Variants in CELF5 observed in about 807,000 individuals in gnomAD.
CELF5 encodes the protein CUG-BP and ETR-3 like factor 5.
A neutral mutation model predicts 54.9 loss-of-function variants in CELF5; 6 were observed. That is an observed-to-expected ratio of 0.11 (90% CI 0.06 to 0.22). CELF5 has a LOEUF of 0.22. CELF5 is among the 10% of genes least tolerant of loss of function. The probability of loss-of-function intolerance (pLI) is 1.00; values close to 1 mark genes in which losing one functional copy is unlikely to be tolerated. For missense variants in CELF5, 401 were observed against 678.6 expected (o/e 0.59, Z 4.54); for synonymous variants, 271 against 290.9 (o/e 0.93, Z 0.70).
At chr19:3,237,364 TAGAGC>T (rs1289814068) in intron 1 of CELF5, among the ~76,000 whole-genome samples, 1 of 142,432 alleles carries the variant, frequency 7.0e-6, no homozygotes, top group African/African-American at 2.6e-5. Context: ...AGCTACTGCA[TAGAGC>T]AGCCGCCTGG....
intron 1 of CELF5, chr19:3,225,465 C>CA: frequency 2.7e-6 from 1 of 365,446 alleles, no homozygotes; most frequent in Non-Finnish European, 3.7e-6. Flanking sequence ...GCACCCCTCC[C>CA]TGCCCCCCCA....
intron 2 of CELF5, among the ~76,000 whole-genome samples, chr19:3,259,712 CA>C (rs2079781722): frequency 6.6e-6 from 1 of 151,988 alleles, no homozygotes; most frequent in African/African-American, 2.4e-5. Flanking sequence ...GGGTCTCAAT[CA>C]GGGGTGATCC....
intron 2 of CELF5, among the ~76,000 whole-genome samples, chr19:3,260,528 C>T (rs1482096377): frequency 6.6e-6 from 1 of 152,000 alleles, no homozygotes; most frequent in Non-Finnish European, 1.5e-5. Context: ...GATCATGGCT[C>T]ACTGCAACCT....
At chr19:3,242,826 T>G (rs559320965) in intron 1 of CELF5, among the ~76,000 whole-genome samples, 1 of 151,988 alleles carries the variant, frequency 6.6e-6, no homozygotes, top group South Asian at 2.1e-4. Context: ...TAGCTGGGCT[T>G]GGTGGCAGGT....
chr19:3,236,436 G>A (rs1422202725), intron 1 of CELF5, among the ~76,000 whole-genome samples: 1 of 152,160 alleles, frequency 6.6e-6, no homozygotes, highest in Non-Finnish European at 1.5e-5. Context: ...AAGGTACTGA[G>A]CTGGCTTTGA....
At position 3,228,324 on chromosome 19, in the gene CELF5, A is replaced by C. The variant is rs920708593; in HGVS notation, c.259+3326A>C. Among the ~76,000 whole-genome samples the C allele has an allele frequency of 6.6e-6, 1 of 152,138 alleles. No homozygotes were observed. The highest frequency in any genetic ancestry group is 1.5e-5 in the Non-Finnish European group (1 of 68,012). On this transcript the variant is annotated intron_variant, in intron 1 of 12. Coordinates refer to ENST00000292672, the MANE Select transcript of CELF5 (RefSeq NM_021938.4). The surrounding 1 kb of genome is among the most constrained non-coding windows in gnomAD (Gnocchi z 6.0). ...CTCCCCCAGGAAGGACCCCCACCCC[A>C]GGCCAGGGGCTCAGGCCAAGAACTG...
chr19:3,225,456 C>G (rs1916847014), intron 1 of CELF5: 1 of 526,896 alleles, frequency 1.9e-6, no homozygotes, highest in East Asian at 1.7e-4. Flanking sequence ...GGAACGCCGG[C>G]ACCCCTCCCT....
intron 2 of CELF5, among the ~76,000 whole-genome samples, chr19:3,267,305 C>G (rs954989027): frequency 6.6e-6 from 1 of 151,898 alleles, no homozygotes; most frequent in African/African-American, 2.4e-5. Flanking sequence ...TTCCGGTTCC[C>G]GCACAAGTGT....
Position 3,282,314 on chromosome 19 carries a change from C to T in CELF5, c.893-38C>T, listed in dbSNP as rs1329467909. The T allele has an allele frequency of 3.7e-6, 6 of 1,608,458 alleles. No homozygotes were observed. In the Admixed American group the frequency reaches 1.0e-4, roughly 27 times the overall value. The stretch of plus-strand genomic sequence containing the variant: ...AAGGATGGGTGGGCAGGGCTGGAGC[C>T]AGAACTGGCCTCCCCATGACCCTCT... On this transcript the variant is annotated intron_variant, in intron 7 of 12. Coordinates refer to ENST00000292672, the MANE Select transcript of CELF5 (RefSeq NM_021938.4). This position sits in a 1 kb window ranked among gnomAD's most constrained non-coding sequence, Gnocchi z 5.2.
intron 1 of CELF5, among the ~76,000 whole-genome samples, chr19:3,237,306 C>T (rs1484297356): frequency 8.4e-6 from 1 of 118,686 alleles, no homozygotes; most frequent in African/African-American, 3.4e-5. Flanking sequence ...AGCACGACTC[C>T]GTCTCAAAAA....
intron 1 of CELF5, among the ~76,000 whole-genome samples, chr19:3,231,378 G>T (rs778711460): frequency 6.6e-6 from 1 of 151,820 alleles, no homozygotes; most frequent in Non-Finnish European, 1.5e-5. Flanking sequence ...CTCTAGATAT[G>T]AGTGGATTTG....
chr19:3,260,120 C>CT (rs965429622), intron 2 of CELF5, among the ~76,000 whole-genome samples: 1 of 152,028 alleles, frequency 6.6e-6, no homozygotes, highest in Non-Finnish European at 1.5e-5. Flanking sequence ...TTCTATTTTT[C>CT]TTTTTTTATT....
intron 11 of CELF5, among the ~76,000 whole-genome samples, chr19:3,291,748 G>T (rs962475810): frequency 3.3e-5 from 5 of 151,610 alleles, no homozygotes; most frequent in Admixed American, 1.3e-4. Flanking sequence ...GAGTGAGGAG[G>T]GGGAGAGAGG....
chr19:3,236,121 T>A (rs1368096402), intron 1 of CELF5, among the ~76,000 whole-genome samples: 1 of 152,026 alleles, frequency 6.6e-6, no homozygotes, highest in East Asian at 1.9e-4. Flanking sequence ...ATGGTTGACA[T>A]AGGGTCCAGG....
At chr19:3,272,095 CAG>C (rs1442890465) in intron 2 of CELF5, among the ~76,000 whole-genome samples, 7 of 152,186 alleles carry the variant, frequency 4.6e-5, no homozygotes, top group African/African-American at 1.4e-4. Flanking sequence ...TGGCCGGGTG[CAG>C]GGGCTCACGC....
At position 3,278,557 on chromosome 19, in the gene CELF5, C is replaced by T. The variant is rs550223063; in HGVS notation, c.603+447C>T. ...GTGTGCTAGTGTAGAGATACTAGTG[C>T]GTGTGCGTGTATGAGAGTGTACATG... On this transcript the variant is annotated intron_variant, in intron 5 of 12. Coordinates refer to ENST00000292672, the MANE Select transcript of CELF5 (RefSeq NM_021938.4). The surrounding 1 kb of genome is among the most constrained non-coding windows in gnomAD (Gnocchi z 4.5). 6.6e-5 allele frequency among the ~76,000 whole-genome samples: 10 copies of T among 151,446 alleles called. No homozygotes were observed. The highest frequency in any genetic ancestry group is 5.8e-4 in the East Asian group (3 of 5,138).
At position 3,224,810 on chromosome 19, in the gene CELF5, T is replaced by C; in HGVS notation, c.71T>C (p.Val24Ala). The C allele has an allele frequency of 6.5e-7, 1 of 1,549,984 alleles. No individual in the cohort carries two copies. The highest frequency in any genetic ancestry group is 8.7e-7 in the Non-Finnish European group (1 of 1,149,088). The change falls in exon 1 of 13, where the codon GTG (valine) becomes GCG (alanine). Residue 24 changes from valine (V) to alanine (A), a missense_variant. Val to Ala is a moderately conservative substitution (Grantham distance 64). This residue lies in a region of CELF5 where 46 missense variants were observed against 55.0 expected (regional missense o/e 0.84). Coordinates refer to ENST00000292672, the MANE Select transcript of CELF5 (RefSeq NM_021938.4). ...QQLLQPRPSP[V>A]GSSGPEPPGG... ...CTCCTGCAGCCGCGGCCCTCGCCCG[T>C]GGGCAGCAGCGGGCCCGAGCCCCCC... is the stretch of plus-strand genomic sequence containing the variant.
At chr19:3,266,938 C>T (rs1321979782) in intron 2 of CELF5, among the ~76,000 whole-genome samples, 2 of 152,174 alleles carry the variant, frequency 1.3e-5, no homozygotes, top group African/African-American at 2.4e-5. Flanking sequence ...CCCACCCAGG[C>T]GGCTCACGTG....
In CELF5 at chr19:3,281,161, C is replaced by A; in HGVS notation, c.604-38C>A. ...GGACCCCAGAGTCCTGGCTACCTCC[C>A]AGCCCGTTTCCCTCCCTGCTCGCCG... is the stretch of plus-strand genomic sequence containing the variant. On this transcript the variant is annotated intron_variant, in intron 5 of 12. Transcript: ENST00000292672. This position sits in a 1 kb window ranked among gnomAD's most constrained non-coding sequence, Gnocchi z 6.5. 6.3e-7 allele frequency: 1 copy of A among 1,590,640 alleles called. No homozygotes were observed. The highest frequency in any genetic ancestry group is 8.5e-7 in the Non-Finnish European group (1 of 1,170,982).
Sources: gnomAD v4.1 joint callset for allele counts (sites outside exome capture counted in the v4.1 genomes callset) on GRCh38, gnomAD v4.1.1 for gene constraint, gnomAD v4.1.1 regional missense constraint, Gnocchi (gnomAD v3.1) non-coding constraint, MANE v1.5 for transcripts, NCBI Gene and HGNC (gene_info 2026-07-23, HGNC 2026-07-21) for gene names.